The following ATRN variants were observed in gnomAD, a reference collection of about 807,000 sequenced individuals.
The protein encoded by ATRN is attractin-2.
A neutral mutation model predicts 178.7 loss-of-function variants in ATRN; 54 were observed. That is an observed-to-expected ratio of 0.30 (90% CI 0.24 to 0.38). The LOEUF (loss-of-function observed/expected upper bound fraction) is 0.38. ATRN is among the 10% of genes least tolerant of loss of function. The probability of loss-of-function intolerance (pLI) is 1.00; values close to 1 mark genes in which losing one functional copy is unlikely to be tolerated. For missense variants in ATRN, 1,443 were observed against 1,815.1 expected (o/e 0.79, Z 3.73); for synonymous variants, 636 against 663.0 (o/e 0.96, Z 0.63).
At position 3,496,451 on chromosome 20, in the gene ATRN, G is replaced by T. The variant is rs239114; in HGVS notation, c.410+24934G>T. On this transcript the variant is annotated intron_variant, in intron 1 of 28. Coordinates refer to ENST00000262919, the MANE Select transcript of ATRN (RefSeq NM_139321.3). ...GAGCAGGTTGTTCAGTTTCCATGTA[G>T]TTGAGCAGTTTTGAGTGAGAGTCTT... 7.9e-3 allele frequency among the ~76,000 whole-genome samples: 1,203 copies of T among 152,190 alleles called. 19 individuals are homozygous for T. The highest frequency in any genetic ancestry group is 0.027 in the African/African-American group (1,136 of 41,494).
intron 1 of ATRN, among the ~76,000 whole-genome samples, chr20:3,525,952 T>C (rs1028309350): frequency 6.6e-6 from 1 of 152,180 alleles, no homozygotes; most frequent in Non-Finnish European, 1.5e-5. Flanking sequence ...TCATACTGAA[T>C]GGGAAAAAGC....
chr20:3,560,882 G>A lies in ATRN; in HGVS notation c.1424G>A (p.Ser475Asn). ...FGHCPLYGYI[S>N]NVQEYDLDKN... ...CACTGCCCTCTCTATGGATATATAA[G>A]CAATGTGCAGGAATATGATTTGGGT... Residue 475 changes from serine to asparagine, a missense_variant, in exon 8 of 29, where the codon AGC becomes AAC. By Grantham distance (46) the Ser-to-Asn change is conservative. Coordinates refer to ENST00000262919, the MANE Select transcript of ATRN (RefSeq NM_139321.3). 1 of 1,614,074 alleles carries A rather than the reference G, an allele frequency of 6.2e-7. No homozygotes were observed. The highest frequency in any genetic ancestry group is 1.1e-5 in the South Asian group (1 of 91,076).
Position 3,576,931 on chromosome 20 carries a change from A to G in ATRN, c.2287A>G (p.Arg763Gly). Residue 763 changes from arginine (R) to glycine (G), a missense_variant, in exon 14 of 29, where the codon AGG becomes GGG. Physicochemically the swap from Arg to Gly is moderately radical, Grantham distance 125 (BLOSUM62 -2). Coordinates refer to ENST00000262919, the MANE Select transcript of ATRN (RefSeq NM_139321.3). ...MYYCNKKTSC[R>G]SCALDQNCQW... is the part of the protein sequence containing the mutation. ...CTACTGTAACAAGAAGACCAGCTGC[A>G]GGAGCTGTGCCCTGGACCAGAACTG... 1 of 1,614,174 alleles carries G rather than the reference A, an allele frequency of 6.2e-7. No individual in the cohort carries two copies. The highest frequency in any genetic ancestry group is 8.5e-7 in the Non-Finnish European group (1 of 1,180,016).
chr20:3,484,333 G>A (rs1428868802), intron 1 of ATRN, among the ~76,000 whole-genome samples: 1 of 150,322 alleles, frequency 6.7e-6, no homozygotes, highest in Admixed American at 6.6e-5. Context: ...TCCTTTTTGT[G>A]TTATATTATA....
At chr20:3,617,292 CAT>C (rs975754870) in intron 24 of ATRN, among the ~76,000 whole-genome samples, 3 of 152,142 alleles carry the variant, frequency 2.0e-5, no homozygotes, top group African/African-American at 7.2e-5. Flanking sequence ...AGGACATAAA[CAT>C]CCAAATTTTA....
In ATRN at chr20:3,582,324, C is replaced by G; in HGVS notation, c.2734C>G (p.Pro912Ala). The change falls in exon 16 of 29, where the codon CCA (proline) becomes GCA (alanine). Residue 912 changes from proline (P) to alanine (A), a missense_variant. Pro to Ala is a conservative substitution (Grantham distance 27). This residue lies in a region of ATRN where 212 missense variants were observed against 330.7 expected (regional missense o/e 0.64). Coordinates refer to ENST00000262919, the MANE Select transcript of ATRN (RefSeq NM_139321.3). ...ACTGAAGGCTGCAACCTGCATCAAC[C>G]CACTCAATGGTAGTGTCTGTGAAAG... is the stretch of plus-strand genomic sequence containing the variant. ...RGLKAATCIN[P>A]LNGSVCERPA... The G allele has an allele frequency of 6.2e-7, 1 of 1,612,276 alleles. No homozygotes were observed. Among genetic ancestry groups the G allele is most frequent in the Non-Finnish European group, 8.5e-7 (1 of 1,180,008 alleles).
intron 11 of ATRN, among the ~76,000 whole-genome samples, chr20:3,571,099 C>T (rs1174730408): frequency 6.6e-6 from 1 of 152,158 alleles, no homozygotes; most frequent in Non-Finnish European, 1.5e-5. Context: ...AAATTTTCCT[C>T]ATTCCTTTTA....
intron 1 of ATRN, among the ~76,000 whole-genome samples, chr20:3,476,912 A>ATATAGT (rs1415693764): frequency 0.011 from 1,620 of 152,386 alleles, 29 homozygotes; most frequent in African/African-American, 0.037. Context: ...GTGAAAAGTT[A>ATATAGT]AAACTTTTTT....
intron 1 of ATRN, among the ~76,000 whole-genome samples, chr20:3,480,682 G>C (rs377619975): frequency 6.6e-6 from 1 of 152,092 alleles, no homozygotes; most frequent in African/African-American, 2.4e-5. Flanking sequence ...ACTTTACCTC[G>C]ATGAAAGGTT....
At chr20:3,565,508 C>T (rs527481224) in intron 11 of ATRN, 76 bp downstream of exon 11, 2 of 1,295,126 alleles carry the variant, frequency 1.5e-6, no homozygotes, top group Non-Finnish European at 2.2e-6. Flanking sequence ...TGGCTCACGC[C>T]TGTAATTCTG....
At chr20:3,545,143 G>A (rs565959995) in intron 3 of ATRN, among the ~76,000 whole-genome samples, 13 of 151,970 alleles carry the variant, frequency 8.6e-5, no homozygotes, top group African/African-American at 3.1e-4. Context: ...GAGGTGGGTG[G>A]ATCACCTGAG....
intron 24 of ATRN, among the ~76,000 whole-genome samples, chr20:3,624,267 C>T (rs1350045000): frequency 1.3e-5 from 2 of 152,174 alleles, no homozygotes; most frequent in African/African-American, 4.8e-5. Context: ...GACAGAACCT[C>T]AGAACTGGTG....
intron 23 of ATRN, among the ~76,000 whole-genome samples, chr20:3,602,963 C>CAAA (rs3842439): frequency 0.014 from 564 of 40,820 alleles, 29 homozygotes; most frequent in Middle Eastern, 0.028. Flanking sequence ...AATTCCATCT[C>CAAA]AAAAAAAAAA....
chr20:3,528,045 G>A (rs1486146357), intron 1 of ATRN, among the ~76,000 whole-genome samples: 5 of 152,024 alleles, frequency 3.3e-5, no homozygotes, highest in Non-Finnish European at 7.4e-5. Context: ...TTCTGCACAT[G>A]TATCCCAGAA....
intron 19 of ATRN, 96 bp from the exon 20 acceptor site, chr20:3,594,383 C>A: frequency 2.2e-6 from 2 of 904,336 alleles, no homozygotes; most frequent in Non-Finnish European, 3.3e-6. Flanking sequence ...TCCTACTGAA[C>A]TCAATTCAGA....
intron 1 of ATRN, among the ~76,000 whole-genome samples, chr20:3,514,292 A>G (rs568090173): frequency 6.6e-6 from 1 of 152,356 alleles, no homozygotes; most frequent in African/African-American, 2.4e-5. Flanking sequence ...CTTCCCAACT[A>G]TTATAGGTAT....
intron 18 of ATRN, among the ~76,000 whole-genome samples, chr20:3,588,227 C>T (rs914241444): frequency 6.6e-6 from 1 of 152,108 alleles, no homozygotes; most frequent in Non-Finnish European, 1.5e-5. Flanking sequence ...TTTCTTTTGG[C>T]ATTGTTTTAT....
Position 3,645,543 on chromosome 20 carries a change from T to C in ATRN, c.4166-1180T>C, listed in dbSNP as rs1183967150. ...GCGGCTGGGGCGGCAAGGTGACAGGTGTGCAGCCCTGTAGCCTTTCCTGCT... is the reference window on the plus strand; with the variant it reads ...GCGGCTGGGGCGGCAAGGTGACAGGCGTGCAGCCCTGTAGCCTTTCCTGCT... On this transcript the variant is annotated intron_variant, in intron 28 of 28. Transcript: ENST00000262919. This position sits in a 1 kb window ranked among gnomAD's most constrained non-coding sequence, Gnocchi z 4.7. 2.0e-5 allele frequency among the ~76,000 whole-genome samples: 3 copies of C among 152,172 alleles called. No individual in the cohort carries two copies. The highest frequency in any genetic ancestry group is 7.2e-5 in the African/African-American group (3 of 41,452).
chr20:3,580,615 G>A (rs981756538), intron 15 of ATRN, among the ~76,000 whole-genome samples: 12 of 152,296 alleles, frequency 7.9e-5, no homozygotes, highest in South Asian at 4.1e-4. Flanking sequence ...TTAGGATGTC[G>A]AAGACGGAAG....
Sources: gnomAD v4.1 joint callset for allele counts (sites outside exome capture counted in the v4.1 genomes callset) on GRCh38, gnomAD v4.1.1 for gene constraint, gnomAD v4.1.1 regional missense constraint, Gnocchi (gnomAD v3.1) non-coding constraint, MANE v1.5 for transcripts, NCBI Gene and HGNC (gene_info 2026-07-23, HGNC 2026-07-21) for gene names.